HNF4A: variants seen among roughly 807,000 people sequenced by gnomAD.
HNF4A encodes hepatocyte nuclear factor 4-alpha.
Under a neutral mutation model 52.4 loss-of-function variants are expected in HNF4A, and 15 were observed. That is an observed-to-expected ratio of 0.29 (90% CI 0.19 to 0.44). The LOEUF (loss-of-function observed/expected upper bound fraction) is 0.44. Ranked by LOEUF, HNF4A falls within the 20% of genes least tolerant of loss-of-function variation. HNF4A has a pLI of 1.00. For synonymous variants in HNF4A, 280 were observed against 264.4 expected (o/e 1.06, Z -0.57); for missense variants, 479 against 647.2 (o/e 0.74, Z 2.82).
chr20:44,375,034 C>A (rs1376796900), intron 1 of HNF4A, among the ~76,000 whole-genome samples: 1 of 152,118 alleles, frequency 6.6e-6, no homozygotes, highest in Admixed American at 6.5e-5. Context: ...GACAGCCATT[C>A]TTCAGATATC....
At chr20:44,428,093 T>G (rs1292317504) in intron 8 of HNF4A, among the ~76,000 whole-genome samples, 1 of 152,220 alleles carries the variant, frequency 6.6e-6, no homozygotes. Context: ...CTTCCTTATA[T>G]GCACCTTGTT....
At chr20:44,370,049 C>T (rs180749596) in intron 1 of HNF4A, among the ~76,000 whole-genome samples, 1 of 151,646 alleles carries the variant, frequency 6.6e-6, no homozygotes, top group Admixed American at 6.6e-5. Context: ...TGTTTTGCGA[C>T]GGAGTCTCAC....
chr20:44,390,644 C>T (rs780566668), intron 1 of HNF4A: 27 of 702,502 alleles, frequency 3.8e-5, no homozygotes, highest in South Asian at 1.9e-4. Context: ...AGGAGGATGT[C>T]GGACTGGGGC....
rs2063870146 is a variant in HNF4A at position 44,430,868 on chromosome 20, G to A, written c.*1203G>A. ...AACCCTCACATCAGAGTGACATCCA[G>A]GAGGAATAAGCTCCCAGGGCCTGTC... is the stretch of plus-strand genomic sequence containing the variant. On this transcript the variant is annotated 3_prime_UTR_variant, in exon 10 of 10. Transcript: ENST00000316099. 6.6e-6 allele frequency: 1 copy of A among 152,298 alleles called. No individual in the cohort carries two copies. Among genetic ancestry groups the A allele is most frequent in the Non-Finnish European group, 1.5e-5 (1 of 68,146 alleles). 9.4% of individuals were successfully genotyped at this position (152,298 alleles called of 1,614,324 possible).
intron 1 of HNF4A, among the ~76,000 whole-genome samples, chr20:44,375,113 AT>A (rs1230555925): frequency 6.6e-6 from 1 of 150,964 alleles, no homozygotes; most frequent in Non-Finnish European, 1.5e-5. Flanking sequence ...TCACGATTTC[AT>A]TTGCATTTCT....
Position 44,419,834 on chromosome 20 carries a change from A to C in HNF4A, c.850A>C (p.Asn284His). The C allele has an allele frequency of 6.2e-7, 1 of 1,614,122 alleles. No individual in the cohort carries two copies. Among genetic ancestry groups the C allele is most frequent in the Non-Finnish European group, 8.5e-7 (1 of 1,180,014 alleles). Residue 284 changes from asparagine (N) to histidine (H), a missense_variant, in exon 7 of 10, where the codon AAT (asparagine) becomes CAT (histidine). Around this residue, in one of 3 missense-constraint regions of HNF4A, gnomAD observed 389 missense variants for 525.1 expected, o/e 0.74. Transcript: ENST00000316099. The stretch of plus-strand genomic sequence containing the variant: ...CTTCCAGGAGCTGCAGATCGATGAC[A>C]ATGAGTATGCCTACCTCAAAGCCAT...
intron 7 of HNF4A, among the ~76,000 whole-genome samples, chr20:44,422,499 A>C (rs1208421507): frequency 6.6e-6 from 1 of 152,108 alleles, no homozygotes. Context: ...TCCTTTGTCC[A>C]TGAAAGAGGA....
rs370689680 is a variant in HNF4A, at chr20:44,406,218, C to T, written c.276C>T (p.His92=). ...TCCGGAGGAGCGTGCGGAAGAACCACATGTACTCCTGCAGGTGAGGAGCCT... is the reference window on the plus strand; with the variant it reads ...TCCGGAGGAGCGTGCGGAAGAACCATATGTACTCCTGCAGGTGAGGAGCCT... The change falls in exon 2 of 10, where the codon CAC becomes CAT. Residue 92 remains histidine, a synonymous_variant. Coordinates refer to ENST00000316099, the MANE Select transcript of HNF4A (RefSeq NM_000457.6). The T allele has an allele frequency of 6.2e-7, 1 of 1,613,604 alleles. No homozygotes were observed.
chr20:44,397,526 A>G (rs1392557114), upstream of HNF4A, among the ~76,000 whole-genome samples: 1 of 152,230 alleles, frequency 6.6e-6, no homozygotes, highest in African/African-American at 2.4e-5. Flanking sequence ...ATGATTGTTA[A>G]CTATAATCGC....
At chr20:44,387,123 C>T (rs1233692296) in intron 1 of HNF4A, among the ~76,000 whole-genome samples, 2 of 151,500 alleles carry the variant, frequency 1.3e-5, no homozygotes, top group Non-Finnish European at 2.9e-5. Flanking sequence ...GCCAACATGG[C>T]GAAACCCCGT....
Position 44,413,885 on chromosome 20 carries a change from G to A in HNF4A, c.492+85G>A. 6.5e-6 allele frequency: 6 copies of A among 917,534 alleles called. No homozygotes were observed. In the South Asian group the frequency reaches 6.9e-5, roughly 11 times the overall value. The allele number at this position is 917,534 out of a possible 1,614,324, so 56.8% of individuals were successfully genotyped here. On this transcript the variant is annotated intron_variant, in intron 4 of 9. Transcript: ENST00000316099. ...CCTCCACCTCCATTCTCCCCAGCCA[G>A]GCCCTGGAGCAGCTGACGGGAGGGG...
upstream of HNF4A, among the ~76,000 whole-genome samples, chr20:44,399,124 G>T (rs552467850): frequency 6.6e-6 from 1 of 152,032 alleles, no homozygotes; most frequent in African/African-American, 2.4e-5. Context: ...TGCCCCCAAG[G>T]CCGGTGGAGC....
chr20:44,356,194 G>A lies in HNF4A; in HGVS notation c.49+341G>A, dbSNP rs150432895. Among the ~76,000 whole-genome samples, 1,045 of 152,302 alleles carry A rather than the reference G, an allele frequency of 6.9e-3. 21 individuals are homozygous for A. The highest frequency in any genetic ancestry group is 0.024 in the African/African-American group (1,012 of 41,570). ...GAAGCACCGTCCTGTTTCGATGCGG[G>A]GCAAATTGAGGTCCACCAGGAGAGG... On this transcript the variant is annotated intron_variant, in intron 1 of 9. Coordinates refer to the HNF4A transcript ENST00000316673.
rs776719144 is a variant in HNF4A, at chr20:44,358,118, A to C, written c.49+2265A>C. The stretch of plus-strand genomic sequence containing the variant: ...AAATACACCTGGGTTAGCATCCTAG[A>C]TCTACCTTATTTAAAAAAAAAAAAC... On this transcript the variant is annotated intron_variant, in intron 1 of 9. Coordinates refer to the HNF4A transcript ENST00000316673. Among the ~76,000 whole-genome samples the C allele has an allele frequency of 4.8e-5, 7 of 146,890 alleles. No individual in the cohort carries two copies. In the South Asian group the frequency reaches 9.0e-4, roughly 19 times the overall value.
At position 44,407,248 on chromosome 20, in the gene HNF4A, C is replaced by G. The variant is rs1237349371; in HGVS notation, c.291-133C>G. The G allele has an allele frequency of 8.1e-6, 6 of 738,154 alleles. No homozygotes were observed. The Admixed American group carries it at 1.2e-4, about 15-fold the overall frequency. The allele number at this position is 738,154 out of a possible 1,614,324, so 45.7% of individuals were successfully genotyped here. A position where few individuals can be genotyped will look rare whatever the true frequency, so the allele number is the denominator to read the frequency against. On this transcript the variant is annotated intron_variant, in intron 2 of 9. Transcript: ENST00000316099. ...GCACCTTTCCAGCTCCTGGTGGGTT[C>G]AAGAGAGAACTCCCGGGATGAAGAG...
chr20:44,400,736 G>A (rs557534441), upstream of HNF4A, among the ~76,000 whole-genome samples: 29 of 152,328 alleles, frequency 1.9e-4, no homozygotes, highest in South Asian at 5.8e-3. Context: ...GCTCCCAGGG[G>A]AACCGGGAAA....
chr20:44,366,142 G>T (rs1331532350), intron 1 of HNF4A, among the ~76,000 whole-genome samples: 3 of 152,072 alleles, frequency 2.0e-5, no homozygotes, highest in African/African-American at 7.2e-5. Flanking sequence ...TTTAACAAAA[G>T]AATGAAATAA....
intron 7 of HNF4A, among the ~76,000 whole-genome samples, chr20:44,421,804 T>A (rs1356390889): frequency 1.4e-5 from 2 of 146,850 alleles, no homozygotes; most frequent in African/African-American, 2.5e-5. Context: ...TATATATATA[T>A]AATATATAGT....
At chr20:44,410,489 C>T (rs2063566064) in intron 3 of HNF4A, among the ~76,000 whole-genome samples, 1 of 151,786 alleles carries the variant, frequency 6.6e-6, no homozygotes, top group East Asian at 1.9e-4. Flanking sequence ...CTAGGCCCCA[C>T]CACCCCTCCT....
Sources: allele counts gnomAD v4.1 joint callset (sites outside exome capture counted in the v4.1 genomes callset), GRCh38; gene constraint gnomAD v4.1.1; regional missense constraint gnomAD v4.1.1; transcripts MANE v1.5; gene names NCBI Gene and HGNC (gene_info 2026-07-23, HGNC 2026-07-21).